The following MGAT4C variants were observed in gnomAD, a reference collection of about 807,000 sequenced individuals.
MGAT4C encodes alpha-1,3-mannosyl-glycoprotein 4-beta-N-acetylglucosaminyltransferase C.
MGAT4C carries 19 observed loss-of-function variants against 40.1 expected under a neutral mutation model. The ratio of observed to expected loss-of-function variants is 0.47; its 90% confidence interval spans 0.33 to 0.70. The LOEUF (loss-of-function observed/expected upper bound fraction) is 0.70. Among genes scored for constraint, MGAT4C ranks in the 30% least tolerant of loss-of-function variants. The probability of loss-of-function intolerance (pLI) is 0.02; values close to 1 mark genes in which losing one functional copy is unlikely to be tolerated. For synonymous variants in MGAT4C, 181 were observed against 187.1 expected, an observed-to-expected ratio of 0.97 and a Z score of 0.27; for missense variants, 491 against 563.2, an observed-to-expected ratio of 0.87 and a Z score of 1.30.
At chr12:86,488,217 T>C (rs925827090) in intron 2 of MGAT4C, among the ~76,000 whole-genome samples, 1 of 145,730 alleles carries the variant, frequency 6.9e-6, no homozygotes, top group Non-Finnish European at 1.5e-5. Context: ...GAGTTTGAGA[T>C]CAGCCTGGGC....
chr12:86,786,194 A>T (rs1362697187), intron 1 of MGAT4C, among the ~76,000 whole-genome samples: 2 of 152,134 alleles, frequency 1.3e-5, no homozygotes, highest in Non-Finnish European at 2.9e-5. Context: ...AGCTGACAAA[A>T]ATGCAATGTC....
At chr12:86,412,871 G>T (rs1250341967) in intron 3 of MGAT4C, among the ~76,000 whole-genome samples, 5 of 152,128 alleles carry the variant, frequency 3.3e-5, no homozygotes, top group African/African-American at 7.2e-5. Context: ...AAGGTGATTG[G>T]ATCATCAGGG....
chr12:86,526,840 A>C (rs1353631788), intron 2 of MGAT4C, among the ~76,000 whole-genome samples: 1 of 152,172 alleles, frequency 6.6e-6, no homozygotes, highest in Non-Finnish European at 1.5e-5. Flanking sequence ...TCTCCCTGCC[A>C]ACTCGAGTGT....
intron 1 of MGAT4C, among the ~76,000 whole-genome samples, chr12:86,761,965 G>A (rs537388641): frequency 3.9e-5 from 6 of 152,022 alleles, no homozygotes; most frequent in Non-Finnish European, 7.4e-5. Context: ...CTTTGTCAGG[G>A]GGGCATTATT....
rs1491512604 is a variant in MGAT4C, at chr12:86,110,277, TAG to T, written c.-56-60556_-56-60555del. Among the ~76,000 whole-genome samples, 3 of 68,318 alleles carry T rather than the reference TAG, an allele frequency of 4.4e-5. 1 individual carries two copies. Among genetic ancestry groups the T allele is most frequent in the African/African-American group, 1.9e-4 (3 of 15,388 alleles). 44.8% of individuals were successfully genotyped at this position (68,318 alleles called of 152,430 possible). A position where few individuals can be genotyped will look rare whatever the true frequency, so the allele number is the denominator to read the frequency against. The stretch of plus-strand genomic sequence containing the variant: ...TGAATATATATATAGACTATATATA[TAG>T]TCTATATATATATAGTCTCTCTATA... On this transcript the variant is annotated intron_variant, in intron 1 of 4. Transcript: ENST00000611864.
At chr12:86,129,435 A>G (rs974500161) in intron 1 of MGAT4C, among the ~76,000 whole-genome samples, 3 of 152,172 alleles carry the variant, frequency 2.0e-5, no homozygotes, top group African/African-American at 7.2e-5. Context: ...AAGGCTCACT[A>G]GCCACAGAGA....
At chr12:86,477,133 T>C (rs971906303) in intron 2 of MGAT4C, among the ~76,000 whole-genome samples, 1 of 151,868 alleles carries the variant, frequency 6.6e-6, no homozygotes, top group African/African-American at 2.4e-5. Context: ...ATATACTTAA[T>C]ATTTTCAGAT....
intron 2 of MGAT4C, among the ~76,000 whole-genome samples, chr12:86,625,020 G>A (rs1962757866): frequency 6.6e-6 from 1 of 152,094 alleles, no homozygotes; most frequent in African/African-American, 2.4e-5. Context: ...TTTTCCCCAT[G>A]CTGGTCTCGT....
rs563558497 is a variant in MGAT4C, at chr12:86,589,568, C to T, written c.-229+137641G>A. Among the ~76,000 whole-genome samples, 4 of 151,968 alleles carry T rather than the reference C, an allele frequency of 2.6e-5. No homozygotes were observed. In the East Asian group the frequency reaches 7.8e-4, roughly 29 times the overall value. ...ACTCATTTTATGAGGCCAGCATCAT[C>T]CTGATACCAAAGCCGGGCAGAGACA... On this transcript the variant is annotated intron_variant, in intron 2 of 7. Coordinates refer to the MGAT4C transcript ENST00000548651.
intron 1 of MGAT4C, among the ~76,000 whole-genome samples, chr12:86,126,104 C>G (rs1330393306): frequency 6.6e-6 from 1 of 151,806 alleles, no homozygotes; most frequent in East Asian, 1.9e-4. Flanking sequence ...ACAAAATTAA[C>G]TATATGTCAT....
intron 2 of MGAT4C, among the ~76,000 whole-genome samples, chr12:86,481,688 T>C (rs559863924): frequency 3.4e-4 from 51 of 152,018 alleles, no homozygotes; most frequent in Non-Finnish European, 5.4e-4. Flanking sequence ...CCAAAATGAT[T>C]TGAAAGAAAA....
intron 1 of MGAT4C, among the ~76,000 whole-genome samples, chr12:86,741,177 A>G (rs533224188): frequency 6.6e-6 from 1 of 151,330 alleles, no homozygotes; most frequent in African/African-American, 2.4e-5. Context: ...TGTTTTACCA[A>G]AAAGACACAT....
chr12:86,284,260 C>T (rs1953290679), intron 4 of MGAT4C, among the ~76,000 whole-genome samples: 1 of 151,886 alleles, frequency 6.6e-6, no homozygotes, highest in South Asian at 2.1e-4. Flanking sequence ...ATCCTTTAGT[C>T]TTCTGAGATG....
At chr12:86,696,829 T>A (rs921749017) in intron 2 of MGAT4C, among the ~76,000 whole-genome samples, 8 of 152,052 alleles carry the variant, frequency 5.3e-5, no homozygotes, top group African/African-American at 1.9e-4. Flanking sequence ...CAAAAAGAAA[T>A]CTGCTTTTAG....
At chr12:86,581,643 TAGA>T (rs1414430656) in intron 2 of MGAT4C, among the ~76,000 whole-genome samples, 1 of 151,446 alleles carries the variant, frequency 6.6e-6, no homozygotes, top group Non-Finnish European at 1.5e-5. Flanking sequence ...GTCAAGAATA[TAGA>T]AGAACTATCA....
Position 86,767,604 on chromosome 12 carries a change from GC to G in MGAT4C, c.-261-40364del, listed in dbSNP as rs1203767185. ...ACCAATATCCTTGATGAACACTGATGCAAAAATCCTCTATAAAATACTGGCA... is the reference window on the plus strand; with the variant it reads ...ACCAATATCCTTGATGAACACTGATGAAAAATCCTCTATAAAATACTGGCA... On this transcript the variant is annotated intron_variant, in intron 1 of 7. Coordinates refer to the MGAT4C transcript ENST00000548651. Among the ~76,000 whole-genome samples the G allele has an allele frequency of 3.3e-5, 5 of 152,142 alleles. No individual in the cohort carries two copies. In the South Asian group the frequency reaches 1.0e-3, roughly 31 times the overall value.
chr12:86,657,535 A>G (rs1357221047), intron 2 of MGAT4C, among the ~76,000 whole-genome samples: 1 of 151,930 alleles, frequency 6.6e-6, no homozygotes, highest in Non-Finnish European at 1.5e-5. Flanking sequence ...AGAAAACCGG[A>G]TAACTATAGC....
At chr12:86,078,691 G>A (rs766578145) in intron 1 of MGAT4C, among the ~76,000 whole-genome samples, 1 of 152,154 alleles carries the variant, frequency 6.6e-6, no homozygotes, top group African/African-American at 2.4e-5. Context: ...GTGGAAGTCC[G>A]TGTTGCTGGG....
At chr12:86,574,887 A>G (rs1393543825) in intron 2 of MGAT4C, among the ~76,000 whole-genome samples, 2 of 151,834 alleles carry the variant, frequency 1.3e-5, no homozygotes, top group Admixed American at 1.3e-4. Flanking sequence ...TAAAGTTCAT[A>G]TTTGATTAAT....
Sources: allele counts gnomAD v4.1 joint callset (sites outside exome capture counted in the v4.1 genomes callset), GRCh38; gene constraint gnomAD v4.1.1; transcripts MANE v1.5; gene names NCBI Gene and HGNC (gene_info 2026-07-23, HGNC 2026-07-21).